Variants in SLC16A5 observed in about 807,000 individuals in gnomAD.
The protein encoded by SLC16A5 is solute carrier family 16 member 5.
SLC16A5 carries 29 observed loss-of-function variants against 33.2 expected under a neutral mutation model. That is an observed-to-expected ratio of 0.87 (90% confidence interval 0.65 to 1.19). SLC16A5 has a LOEUF of 1.19. Ranked by LOEUF, SLC16A5 falls within the 50% of genes most tolerant of loss-of-function variation. The pLI is 0.00. For synonymous variants in SLC16A5, 248 were observed against 284.1 expected (o/e 0.87, Z 1.28); for missense variants, 606 against 678.2 (o/e 0.89, Z 1.18).
chr17:75,092,850 T>TGA (rs74276846), intron 2 of SLC16A5, among the ~76,000 whole-genome samples: 30,748 of 150,496 alleles, frequency 0.2, 3,326 homozygotes, highest in Non-Finnish European at 0.24. Flanking sequence ...TGTGTGTGTG[T>TGA]GTGTGTGTGT....
intron 2 of SLC16A5, chr17:75,093,230 G>A (rs1266151605): frequency 1.6e-5 from 10 of 619,368 alleles, no homozygotes; most frequent in Admixed American, 2.7e-5. Flanking sequence ...CATTCTACAA[G>A]TAGTGACTGA....
chr17:75,099,129 G>A (rs4538044), intron 4 of SLC16A5, among the ~76,000 whole-genome samples: 48,763 of 152,050 alleles, frequency 0.32, 8,325 homozygotes, highest in Middle Eastern at 0.43. Context: ...GAGAGGTGGC[G>A]TCTGAACTGA....
At chr17:75,092,124 T>C (rs926025688) in intron 2 of SLC16A5, among the ~76,000 whole-genome samples, 2 of 151,970 alleles carry the variant, frequency 1.3e-5, no homozygotes, top group Non-Finnish European at 2.9e-5. Context: ...ACTCTGAGCA[T>C]GTATGCATGT....
chr17:75,095,745 C>T (rs1249685538), intron 3 of SLC16A5, among the ~76,000 whole-genome samples: 2 of 151,816 alleles, frequency 1.3e-5, no homozygotes, highest in Admixed American at 1.3e-4. Flanking sequence ...CTGTAACCTC[C>T]GCCTTCCAGG....
rs765259366 is a variant in SLC16A5, at chr17:75,098,188, A to G, written c.343+7A>G. ...ACAGCAGGATTCATCACAGGTGACT[A>G]TCACTTCATCTCCAGAATTTATAGG... On this transcript the variant is annotated splice_region_variant and intron_variant, in intron 4 of 6. Transcript: ENST00000329783. The G allele has an allele frequency of 6.2e-6, 10 of 1,612,626 alleles. No homozygotes were observed. In the South Asian group the frequency reaches 1.1e-4, roughly 18 times the overall value.
At chr17:75,103,256 C>G (rs1264300874) in intron 5 of SLC16A5, among the ~76,000 whole-genome samples, 1 of 151,752 alleles carries the variant, frequency 6.6e-6, no homozygotes. Context: ...GAACTCCTGA[C>G]CTCGTGATCC....
intron 3 of SLC16A5, 106 bp downstream of exon 3, chr17:75,093,941 T>G: frequency 6.8e-7 from 1 of 1,465,768 alleles, no homozygotes; most frequent in Non-Finnish European, 9.1e-7. Flanking sequence ...AGGCTTTGCC[T>G]CCTGGGTGAA....
rs71361652 is a variant in SLC16A5, at chr17:75,096,841, CTTTT to C, written c.200-1177_200-1174del. On this transcript the variant is annotated intron_variant, in intron 3 of 6. Transcript: ENST00000329783. ...GCCACCACGCATGGCCACTCCATCA[CTTTT>C]TTTTTTTTTTTTTTTTTTTGAGATG... Among the ~76,000 whole-genome samples, 335 of 65,318 alleles carry C rather than the reference CTTTT, an allele frequency of 5.1e-3. 3 individuals carry two copies. Among genetic ancestry groups the C allele is most frequent in the African/African-American group, 0.024 (317 of 12,992 alleles). 42.9% of individuals were successfully genotyped at this position (65,318 alleles called of 152,430 possible). A position where few individuals can be genotyped will look rare whatever the true frequency, so the allele number is the denominator to read the frequency against.
At position 75,105,902 on chromosome 17, in the gene SLC16A5, C is replaced by T. The variant is rs754894937; in HGVS notation, c.1387C>T (p.Arg463Cys). The T allele has an allele frequency of 4.4e-6, 7 of 1,606,856 alleles. No individual in the cohort carries two copies. The highest frequency in any genetic ancestry group is 2.7e-5 in the African/African-American group (2 of 74,816). Residue 463 changes from arginine to cysteine, a missense_variant, in exon 7 of 7, where the codon CGT (arginine) becomes TGT (cysteine). Coordinates refer to ENST00000329783, the MANE Select transcript of SLC16A5 (RefSeq NM_004695.4). ...EIMCQSSRQPRPAGVNKHLWG... is the reference protein window; with the variant it reads ...EIMCQSSRQPCPAGVNKHLWG... ...CAGGTGCCAGTCTTCCCGCCAGCCA[C>T]GTCCAGCTGGCGTCAATAAGCATCT...
In SLC16A5 at chr17:75,100,697, T is replaced by A. The variant is rs1000868218; in HGVS notation, c.1034T>A (p.Ile345Asn). The A allele has an allele frequency of 6.2e-7, 1 of 1,614,186 alleles. No homozygotes were observed. Among genetic ancestry groups the A allele is most frequent in the African/African-American group, 1.3e-5 (1 of 75,050 alleles). Residue 345 changes from isoleucine to asparagine, a missense_variant, in exon 5 of 7, where the codon ATC (isoleucine) becomes AAC (asparagine). Transcript: ENST00000329783. ...CLAYSVSMSG[I>N]GALIFQVLMD... The stretch of plus-strand genomic sequence containing the variant: ...GCGTACAGCGTGTCCATGAGTGGCA[T>A]CGGCGCCCTCATCTTCCAGGTTCTC...
intron 1 of SLC16A5, among the ~76,000 whole-genome samples, chr17:75,088,627 G>T (rs1482388630): frequency 6.6e-6 from 1 of 152,084 alleles, no homozygotes; most frequent in African/African-American, 2.4e-5. Flanking sequence ...TGGGTCCAGG[G>T]CTCCAGCCCA....
intron 6 of SLC16A5, chr17:75,105,341 TTGAC>T (rs2073849833): frequency 1.0e-6 from 1 of 985,410 alleles, no homozygotes; most frequent in Middle Eastern, 5.2e-4. Flanking sequence ...AGCCAGACAT[TTGAC>T]TGACGGGAGA....
chr17:75,094,068 C>T (rs957949173), intron 3 of SLC16A5, among the ~76,000 whole-genome samples: 1 of 152,212 alleles, frequency 6.6e-6, no homozygotes, highest in East Asian at 1.9e-4. Context: ...CGGAGCCTTG[C>T]GTCCTTTCTG....
At chr17:75,091,832 A>T (rs2073641131) in intron 2 of SLC16A5, among the ~76,000 whole-genome samples, 1 of 152,058 alleles carries the variant, frequency 6.6e-6, no homozygotes, top group South Asian at 2.1e-4. Context: ...CCAGGCGGTG[A>T]GGTCTGAGGG....
Position 75,093,718 on chromosome 17 carries a change from C to A in SLC16A5, c.82C>A (p.Leu28Met). ...CACCATGGTGACCCAGGGCCTCACC[C>A]TGGGCTTCCCCACGTGTATCGGCAT... ...LATMVTQGLT[L>M]GFPTCIGIFF... The change falls in exon 3 of 7, where the codon CTG becomes ATG. Residue 28 changes from leucine to methionine, a missense_variant. Coordinates refer to ENST00000329783, the MANE Select transcript of SLC16A5 (RefSeq NM_004695.4). The A allele has an allele frequency of 6.2e-7, 1 of 1,614,022 alleles. No individual in the cohort carries two copies. Among genetic ancestry groups the A allele is most frequent in the Non-Finnish European group, 8.5e-7 (1 of 1,179,954 alleles).
chr17:75,093,968 A>G (rs899976706), intron 3 of SLC16A5, 133 bp downstream of exon 3: 2 of 1,312,324 alleles, frequency 1.5e-6, no homozygotes, highest in African/African-American at 1.5e-5. Context: ...AGGTTTCACC[A>G]GATTTCACCA....
At chr17:75,093,505 T>C in intron 2 of SLC16A5, 84 bp from the exon 3 acceptor site, 1 of 1,537,092 alleles carries the variant, frequency 6.5e-7, no homozygotes, top group East Asian at 2.4e-5. Context: ...AAGGGATGGC[T>C]TAGCTGCCCA....
In SLC16A5 at chr17:75,100,246, A is replaced by C. The variant is rs1415778152; in HGVS notation, c.583A>C (p.Ser195Arg). ...GGCCATCATAAGGCCTGTGGCCACC[A>C]GTGTGGCCCCTGAGACCAAAGAATG... ...CGAIIRPVAT[S>R]VAPETKECPP... is the part of the protein sequence containing the mutation. The change falls in exon 5 of 7, where the codon AGT becomes CGT. Residue 195 changes from serine (S) to arginine (R), a missense_variant. Transcript: ENST00000329783. 1.2e-6 allele frequency: 2 copies of C among 1,614,074 alleles called. No homozygotes were observed. The highest frequency in any genetic ancestry group is 2.7e-5 in the African/African-American group (2 of 74,930).
At chr17:75,089,488 C>T (rs1313805267) in intron 2 of SLC16A5, among the ~76,000 whole-genome samples, 184 bp downstream of exon 2, 1 of 152,082 alleles carries the variant, frequency 6.6e-6, no homozygotes, top group Non-Finnish European at 1.5e-5. Context: ...GGTGCGGTGT[C>T]TCACACCTGT....
Sources: gnomAD v4.1 joint callset for allele counts (sites outside exome capture counted in the v4.1 genomes callset) on GRCh38, gnomAD v4.1.1 for gene constraint, MANE v1.5 for transcripts, NCBI Gene and HGNC (gene_info 2026-07-23, HGNC 2026-07-21) for gene names.